NBAS: variants seen among roughly 807,000 people sequenced by gnomAD.
NBAS encodes NAG/BC035112 fusion.
NBAS carries 219 observed loss-of-function variants against 302.5 expected under a neutral mutation model. The observed-to-expected ratio is 0.72, with a 90% confidence interval of 0.65 to 0.81. The LOEUF (loss-of-function observed/expected upper bound fraction) is 0.81. Ranked by LOEUF, NBAS falls within the 30% of genes least tolerant of loss-of-function variation. The pLI is 0.00. For missense variants in NBAS, 2,932 were observed against 2,841.6 expected, an observed-to-expected ratio of 1.03 and a Z score of -0.72; for synonymous variants, 1,118 against 1,021.6, an observed-to-expected ratio of 1.09 and a Z score of -1.80.
the NBAS span, among the ~76,000 whole-genome samples, chr2:15,016,488 G>C: frequency 6.6e-6 from 1 of 152,040 alleles, no homozygotes; most frequent in African/African-American, 2.4e-5. Context: ...TAAAAGAATG[G>C]AAAGATATGC....
chr2:15,328,308 T>C lies in NBAS; in HGVS notation c.4352A>G (p.Gln1451Arg). Reference protein sequence around the residue: ...SLTYLRPLQGQKCGGAYQIGT... With the variant: ...SLTYLRPLQGRKCGGAYQIGT... ...GATTTGATATGCACCACCACATTTT[T>C]GCCCCTAAAAAGAAAAAAAGTACAG... The change falls in exon 37 of 52, where the codon CAA becomes CGA. Residue 1451 changes from glutamine (Q) to arginine (R), a missense_variant. By Grantham distance (43) the Gln-to-Arg change is conservative. Coordinates refer to ENST00000281513, the MANE Select transcript of NBAS (RefSeq NM_015909.4). 1 of 1,613,468 alleles carries C rather than the reference T, an allele frequency of 6.2e-7. No individual in the cohort carries two copies. Among genetic ancestry groups the C allele is most frequent in the Non-Finnish European group, 8.5e-7 (1 of 1,179,744 alleles).
intron 38 of NBAS, among the ~76,000 whole-genome samples, chr2:15,317,108 G>A (rs1272610361): frequency 1.3e-5 from 2 of 152,192 alleles, no homozygotes; most frequent in Non-Finnish European, 2.9e-5. Context: ...GGCAAACAGC[G>A]TCTGGAGTGG....
chr2:15,213,955 A>C (rs1666538440), intron 48 of NBAS, among the ~76,000 whole-genome samples: 1 of 152,230 alleles, frequency 6.6e-6, no homozygotes, highest in East Asian at 1.9e-4. Flanking sequence ...CTGTGACATG[A>C]GAAGCAACTG....
the NBAS span, among the ~76,000 whole-genome samples, chr2:14,989,358 G>A: frequency 1.3e-5 from 2 of 150,304 alleles, no homozygotes; most frequent in Non-Finnish European, 1.5e-5. Context: ...AGAAGTGCGA[G>A]ACCAGCCTGG....
rs1211516345 is a variant in NBAS, at chr2:15,475,734, A to T, written c.1294T>A (p.Ser432Thr). The change falls in exon 14 of 52, where the codon TCA becomes ACA. Residue 432 changes from serine to threonine, a missense_variant. Transcript: ENST00000281513. ...TCATGGGTAGCAGTGACTTGAGGTG[A>T]TGGTTCAAACCATTCACAGGATTTT... is the stretch of plus-strand genomic sequence containing the variant. ...LGKSCEWFEP[S>T]PQVTATHDGG... The T allele has an allele frequency of 6.2e-7, 1 of 1,614,156 alleles. No homozygotes were observed. The highest frequency in any genetic ancestry group is 1.7e-5 in the Admixed American group (1 of 60,032).
the NBAS span, among the ~76,000 whole-genome samples, chr2:15,070,480 T>C: frequency 6.6e-6 from 1 of 152,260 alleles, no homozygotes; most frequent in South Asian, 2.1e-4. Context: ...CCTCCATTTC[T>C]CAGGAGTGGC....
At position 15,559,062 on chromosome 2, in the gene NBAS, CAAAA is replaced by C. The variant is rs70961421; in HGVS notation, c.118-432_118-429del. ...TGGGTGACAGAGTGAGACCCTGCCT[CAAAA>C]AAAAAAAAAAAAAAAAAAAAAGTAG... On this transcript the variant is annotated intron_variant, in intron 1 of 51. Transcript: ENST00000281513. 4.2e-3 allele frequency among the ~76,000 whole-genome samples: 214 copies of C among 50,428 alleles called. 1 individual carries two copies. Among genetic ancestry groups the C allele is most frequent in the African/African-American group, 0.013 (178 of 13,232 alleles). The allele number at this position is 50,428 out of a possible 152,430, so 33.1% of individuals were successfully genotyped here.
the NBAS span, among the ~76,000 whole-genome samples, chr2:14,881,210 T>C: frequency 6.6e-6 from 1 of 152,176 alleles, no homozygotes; most frequent in South Asian, 2.1e-4. Context: ...CTATTATCTA[T>C]GTGACATATC....
chr2:14,825,258 A>G, the NBAS span, among the ~76,000 whole-genome samples: 7 of 152,250 alleles, frequency 4.6e-5, no homozygotes, highest in African/African-American at 1.7e-4. Context: ...GGTGCAACTC[A>G]CTTGGTAAAG....
At chr2:15,395,017 G>A (rs886288323) in intron 27 of NBAS, among the ~76,000 whole-genome samples, 3 of 151,972 alleles carry the variant, frequency 2.0e-5, no homozygotes, top group Non-Finnish European at 2.9e-5. Flanking sequence ...CAGTAAAGTC[G>A]CCTGGCATTA....
At chr2:15,077,864 A>G in the NBAS span, among the ~76,000 whole-genome samples, 1 of 151,718 alleles carries the variant, frequency 6.6e-6, no homozygotes, top group East Asian at 1.9e-4. Context: ...TTGTATTTTT[A>G]GTAGAGACGG....
chr2:15,131,498 A>G, the NBAS span, among the ~76,000 whole-genome samples: 3 of 152,212 alleles, frequency 2.0e-5, no homozygotes, highest in African/African-American at 7.2e-5. Context: ...TCAATCTACA[A>G]TGAAGTTCAA....
the NBAS span, among the ~76,000 whole-genome samples, chr2:15,092,290 G>A: frequency 1.3e-5 from 2 of 152,158 alleles, no homozygotes; most frequent in Admixed American, 1.3e-4. Context: ...AGCTGGTGGT[G>A]AGTCAATTTG....
the NBAS span, among the ~76,000 whole-genome samples, chr2:14,945,065 T>C: frequency 1.3e-5 from 2 of 152,180 alleles, no homozygotes; most frequent in Admixed American, 6.5e-5. Context: ...CCAAAGGAGA[T>C]GCCAAATCAG....
intron 10 of NBAS, among the ~76,000 whole-genome samples, chr2:15,506,462 A>G (rs961442367): frequency 7.2e-5 from 11 of 152,230 alleles, no homozygotes; most frequent in Admixed American, 3.3e-4. Flanking sequence ...AATCTCACAT[A>G]CAAAGCAAAA....
At chr2:14,975,118 G>A in the NBAS span, among the ~76,000 whole-genome samples, 1 of 152,094 alleles carries the variant, frequency 6.6e-6, no homozygotes, top group African/African-American at 2.4e-5. Flanking sequence ...CAACCTGAAT[G>A]AACCTAGAAG....
chr2:14,887,646 C>G, the NBAS span, among the ~76,000 whole-genome samples: 1 of 152,124 alleles, frequency 6.6e-6, no homozygotes, highest in African/African-American at 2.4e-5. Flanking sequence ...AGGTTCACAT[C>G]TCTAGAATAT....
At chr2:15,239,847 A>G (rs1231074450) in intron 44 of NBAS, among the ~76,000 whole-genome samples, 1 of 152,080 alleles carries the variant, frequency 6.6e-6, no homozygotes, top group African/African-American at 2.4e-5. Context: ...TATGGGAGTT[A>G]TATTTTTCTA....
the NBAS span, among the ~76,000 whole-genome samples, chr2:14,819,821 A>T: frequency 6.6e-6 from 1 of 152,236 alleles, no homozygotes; most frequent in Non-Finnish European, 1.5e-5. Flanking sequence ...TATAGGAAAA[A>T]ATCTAATAAT....
Sources: allele counts gnomAD v4.1 joint callset (sites outside exome capture counted in the v4.1 genomes callset), GRCh38; gene constraint gnomAD v4.1.1; transcripts MANE v1.5; gene names NCBI Gene and HGNC (gene_info 2026-07-23, HGNC 2026-07-21).